The following JARID2 variants were observed in gnomAD, a reference collection of about 807,000 sequenced individuals.
JARID2 encodes protein Jumonji.
In JARID2, 21 loss-of-function variants were observed where a neutral mutation model predicts 125.6. The observed-to-expected ratio is 0.17, with a 90% CI of 0.12 to 0.24. The LOEUF is 0.24. Among genes scored for constraint, JARID2 ranks in the 10% least tolerant of loss-of-function variants. JARID2 has a pLI of 1.00. For synonymous variants in JARID2, 736 were observed against 661.6 expected (o/e 1.11, Z -1.73); for missense variants, 1,303 against 1,639.6 (o/e 0.79, Z 3.55).
In JARID2 at chr6:15,487,379, C is replaced by G. The variant is rs774068185; in HGVS notation, c.743C>G (p.Pro248Arg). 6.2e-6 allele frequency: 10 copies of G among 1,614,104 alleles called. No homozygotes were observed. The highest frequency in any genetic ancestry group is 1.3e-5 in the African/African-American group (1 of 74,920). ...AAACACAAAAGCAAAGAGGCCACTC[C>G]CGCAAAGGAGAAGCACAGCGATCAC... is the stretch of plus-strand genomic sequence containing the variant. ...VQKHKSKEAT[P>R]AKEKHSDHRA... The change falls in exon 6 of 18, where the codon CCC (proline) becomes CGC (arginine). Residue 248 changes from proline to arginine, a missense_variant. Physicochemically the swap from Pro to Arg is moderately radical, Grantham distance 103 (BLOSUM62 -2). Transcript: ENST00000341776.
rs543886157 is a variant in JARID2, at chr6:15,362,727, G to C, written c.46-11390G>C. Reference sequence around the variant, plus strand: ...GACATGGATGGTGTCAAATTGCAGCGTGGCTGTGTTTGTAGAGAAAGAACG... The same window carrying C: ...GACATGGATGGTGTCAAATTGCAGCCTGGCTGTGTTTGTAGAGAAAGAACG... On this transcript the variant is annotated intron_variant, in intron 1 of 17. Coordinates refer to ENST00000341776, the MANE Select transcript of JARID2 (RefSeq NM_004973.4). 7.9e-5 allele frequency among the ~76,000 whole-genome samples: 12 copies of C among 152,260 alleles called. No individual in the cohort carries two copies. In the South Asian group the frequency reaches 2.5e-3, roughly 32 times the overall value.
Position 15,471,102 on chromosome 6 carries a change from C to T in JARID2, c.670+2384C>T, listed in dbSNP as rs370842253. Among the ~76,000 whole-genome samples, 15 of 152,314 alleles carry T rather than the reference C, an allele frequency of 9.8e-5. No individual in the cohort carries two copies. The East Asian group carries it at 2.1e-3, about 22-fold the overall frequency. ...ACCTGAACTTGAGAAGCTACAGTGG[C>T]ATAGCTTTTCCCAGGGGCCTGCAGA... is the stretch of plus-strand genomic sequence containing the variant. On this transcript the variant is annotated intron_variant, in intron 5 of 17. Transcript: ENST00000341776.
Position 15,494,722 on chromosome 6 carries a change from A to G in JARID2, c.907-1410A>G, listed in dbSNP as rs570760696. On this transcript the variant is annotated intron_variant, in intron 6 of 17. Coordinates refer to ENST00000341776, the MANE Select transcript of JARID2 (RefSeq NM_004973.4). ...AAGTTTCATTCCATGCCCCACCCCC[A>G]CTTAAGGGGGGTCCTGGGCCAGGCC... 2.0e-5 allele frequency among the ~76,000 whole-genome samples: 3 copies of G among 151,818 alleles called. No homozygotes were observed. The South Asian group carries it at 6.3e-4, about 32-fold the overall frequency.
At chr6:15,461,422 T>C (rs931624754) in intron 4 of JARID2, among the ~76,000 whole-genome samples, 3 of 152,170 alleles carry the variant, frequency 2.0e-5, no homozygotes, top group Admixed American at 6.5e-5. Context: ...GCACTAGTTC[T>C]TGAGAGCTGT....
chr6:15,399,618 G>A (rs1765348663), intron 2 of JARID2, among the ~76,000 whole-genome samples: 1 of 152,178 alleles, frequency 6.6e-6, no homozygotes. Context: ...ATTGTGGAGA[G>A]AATACCCGCT....
At chr6:15,284,185 C>T (rs1313804377) in intron 1 of JARID2, among the ~76,000 whole-genome samples, 2 of 152,154 alleles carry the variant, frequency 1.3e-5, no homozygotes, top group East Asian at 3.8e-4. Context: ...TTGAGCTAAA[C>T]ACCACCCTCC....
chr6:15,486,178 C>A (rs1407368533), intron 5 of JARID2, among the ~76,000 whole-genome samples: 1 of 152,234 alleles, frequency 6.6e-6, no homozygotes, highest in Non-Finnish European at 1.5e-5. Context: ...CTTCCTCCTT[C>A]CCTGAAGAAA....
rs777404268 is a variant in JARID2, at chr6:15,501,179, C to T, written c.2218C>T (p.His740Tyr). The change falls in exon 8 of 18, where the codon CAC becomes TAC. Residue 740 changes from histidine (H) to tyrosine (Y), a missense_variant. Physicochemically the swap from His to Tyr is moderately conservative, Grantham distance 83. Coordinates refer to ENST00000341776, the MANE Select transcript of JARID2 (RefSeq NM_004973.4). ...LEKRKGPLEG[H>Y]TENDHHKFHP... ...GAAGCGCAAGGGGCCGCTGGAAGGC[C>T]ACACAGAGAACGACCACCACAAGTT... The T allele has an allele frequency of 1.4e-5, 22 of 1,613,988 alleles. No individual in the cohort carries two copies. The highest frequency in any genetic ancestry group is 1.7e-5 in the Non-Finnish European group (20 of 1,180,024).
chr6:15,402,900 T>C (rs1473945318), intron 2 of JARID2, among the ~76,000 whole-genome samples: 1 of 151,996 alleles, frequency 6.6e-6, no homozygotes, highest in Admixed American at 6.6e-5. Flanking sequence ...TGAAATGAAG[T>C]GTGGACCCAG....
At chr6:15,347,684 G>T (rs575696754) in intron 1 of JARID2, among the ~76,000 whole-genome samples, 1 of 152,154 alleles carries the variant, frequency 6.6e-6, no homozygotes, top group Admixed American at 6.5e-5. Flanking sequence ...TATGTTGGTG[G>T]TGATGGCTCA....
chr6:15,440,015 A>C (rs11961748), intron 3 of JARID2, among the ~76,000 whole-genome samples: 4,725 of 152,276 alleles, frequency 0.031, 238 homozygotes, highest in African/African-American at 0.11. Context: ...AACACAGATA[A>C]CATACTTGAC....
In JARID2 at chr6:15,517,274, T is replaced by C. The variant is rs774162095; in HGVS notation, c.3558+6T>C. 5.0e-6 allele frequency: 8 copies of C among 1,605,054 alleles called. No individual in the cohort carries two copies. In the Admixed American group the frequency reaches 6.7e-5, roughly 13 times the overall value. Reference sequence around the variant, plus strand: ...TGATGTACCGCTACGATGAGGTCAGTCCCTGCCCGCGGGGTAGGGCAGGGC... The same window carrying C: ...TGATGTACCGCTACGATGAGGTCAGCCCCTGCCCGCGGGGTAGGGCAGGGC... On this transcript the variant is annotated splice_donor_region_variant and intron_variant, in intron 17 of 17. Transcript: ENST00000341776.
chr6:15,458,787 G>A (rs900730503), intron 4 of JARID2, among the ~76,000 whole-genome samples: 1 of 152,222 alleles, frequency 6.6e-6, no homozygotes, highest in Non-Finnish European at 1.5e-5. Flanking sequence ...AATCTTTGCA[G>A]AAAGAGGATA....
In JARID2 at chr6:15,508,313, A is replaced by C. The variant is rs199689401; in HGVS notation, c.2732-27A>C. On this transcript the variant is annotated intron_variant, in intron 11 of 17. Transcript: ENST00000341776. ...AGACCTTGTTGCCTAGCTTTTAAAA[A>C]TGCCCTTTTCACTCTTTCTGTTTTA... The C allele has an allele frequency of 3.1e-4, 355 of 1,137,798 alleles. 1 individual carries two copies. The African/African-American group carries it at 4.7e-3, about 15-fold the overall frequency. The allele number at this position is 1,137,798 out of a possible 1,614,324, so 70.5% of individuals were successfully genotyped here. A position where few individuals can be genotyped will look rare whatever the true frequency, so the allele number is the denominator to read the frequency against.
chr6:15,454,208 G>A (rs1440555925), intron 4 of JARID2, among the ~76,000 whole-genome samples: 1 of 152,012 alleles, frequency 6.6e-6, no homozygotes, highest in African/African-American at 2.4e-5. Flanking sequence ...GGGAAACTCA[G>A]CCCTGACACC....
chr6:15,308,528 AAG>A (rs926650280), intron 1 of JARID2, among the ~76,000 whole-genome samples: 2 of 152,226 alleles, frequency 1.3e-5, no homozygotes, highest in African/African-American at 4.8e-5. Context: ...GAAATCCAGA[AAG>A]AGAGAGTCCT....
At chr6:15,249,707 GTT>G (rs1759364700) in intron 1 of JARID2, among the ~76,000 whole-genome samples, 1 of 152,156 alleles carries the variant, frequency 6.6e-6, no homozygotes, top group African/African-American at 2.4e-5. Context: ...TTGCCATTTA[GTT>G]TATTACCTTA....
intron 2 of JARID2, among the ~76,000 whole-genome samples, chr6:15,383,823 G>A (rs1033285560): frequency 7.9e-5 from 12 of 152,232 alleles, no homozygotes; most frequent in Admixed American, 5.9e-4. Flanking sequence ...TTGAGATGGA[G>A]TTTCGCTCTT....
At chr6:15,291,767 A>G (rs1246478673) in intron 1 of JARID2, among the ~76,000 whole-genome samples, 1 of 152,022 alleles carries the variant, frequency 6.6e-6, no homozygotes, top group Non-Finnish European at 1.5e-5. Flanking sequence ...TTGTTCCACT[A>G]CCCCACACAA....
Sources: allele counts gnomAD v4.1 joint callset (sites outside exome capture counted in the v4.1 genomes callset), GRCh38; gene constraint gnomAD v4.1.1; transcripts MANE v1.5; gene names NCBI Gene and HGNC (gene_info 2026-07-23, HGNC 2026-07-21).